Variants in SLC12A8 observed in about 807,000 individuals in gnomAD.
SLC12A8 encodes the protein cation-chloride cotransporter 9.
In SLC12A8, 69 loss-of-function variants were observed where a neutral mutation model predicts 75.6. The observed-to-expected ratio is 0.91, with a 90% confidence interval of 0.75 to 1.11. The LOEUF is 1.11. SLC12A8 is among the 50% of genes most tolerant of loss of function. The pLI, the probability that SLC12A8 is intolerant of heterozygous loss-of-function variation, is 0.00. For missense variants in SLC12A8, 877 were observed against 896.7 expected (o/e 0.98, Z 0.28); for synonymous variants, 365 against 372.8 (o/e 0.98, Z 0.24).
chr3:125,160,661 A>G (rs1484399697), intron 5 of SLC12A8, among the ~76,000 whole-genome samples: 1 of 152,230 alleles, frequency 6.6e-6, no homozygotes, highest in African/African-American at 2.4e-5. Context: ...CACACTCAGG[A>G]TTAAGACATG....
At chr3:125,105,682 G>C (rs987261162) in intron 10 of SLC12A8, among the ~76,000 whole-genome samples, 1 of 152,134 alleles carries the variant, frequency 6.6e-6, no homozygotes, top group African/African-American at 2.4e-5. Context: ...ATAAAAAACT[G>C]TGAGATAACT....
chr3:125,177,580 G>T (rs1223260771), intron 5 of SLC12A8, among the ~76,000 whole-genome samples, 163 bp downstream of exon 5: 2 of 152,224 alleles, frequency 1.3e-5, no homozygotes, highest in East Asian at 3.9e-4. Context: ...TCATGAAGCT[G>T]CTCCAAGACA....
chr3:125,188,992 T>C (rs1208196560), intron 3 of SLC12A8, among the ~76,000 whole-genome samples: 1 of 152,212 alleles, frequency 6.6e-6, no homozygotes, highest in Non-Finnish European at 1.5e-5. Context: ...GCCTATGTAA[T>C]GGTTAATTTT....
intron 2 of SLC12A8, among the ~76,000 whole-genome samples, chr3:125,210,371 C>T (rs928967851): frequency 1.3e-5 from 2 of 152,130 alleles, no homozygotes; most frequent in Non-Finnish European, 2.9e-5. Context: ...GTGGGGAACT[C>T]GACTTGAGAC....
intron 5 of SLC12A8, among the ~76,000 whole-genome samples, chr3:125,173,452 C>CAA (rs61001520): frequency 0.024 from 1,918 of 78,752 alleles, 15 homozygotes; most frequent in African/African-American, 0.028. Context: ...ATTCATGAGC[C>CAA]AAAAAAAAAA....
intron 5 of SLC12A8, among the ~76,000 whole-genome samples, chr3:125,163,911 C>T (rs1286288164): frequency 6.6e-6 from 1 of 152,210 alleles, no homozygotes; most frequent in Non-Finnish European, 1.5e-5. Context: ...CTGGGAGCGC[C>T]CCTGCCTGGC....
intron 3 of SLC12A8, 48 bp downstream of exon 3, chr3:125,190,327 C>G: frequency 6.2e-7 from 1 of 1,603,808 alleles, no homozygotes; most frequent in Non-Finnish European, 8.5e-7. Context: ...GCAGAGCTTT[C>G]CTGTCTTGGG....
intron 5 of SLC12A8, among the ~76,000 whole-genome samples, chr3:125,166,612 G>A (rs1934296558): frequency 6.6e-6 from 1 of 152,140 alleles, no homozygotes; most frequent in Non-Finnish European, 1.5e-5. Flanking sequence ...ACTGTACGGG[G>A]AGCGCCAGGA....
chr3:125,161,418 G>A (rs950216460), intron 5 of SLC12A8, among the ~76,000 whole-genome samples: 9 of 152,144 alleles, frequency 5.9e-5, no homozygotes, highest in African/African-American at 1.4e-4. Context: ...AGGTCAAGTC[G>A]GTCTTGCTTT....
chr3:125,099,140 G>C (rs4679346), intron 10 of SLC12A8, among the ~76,000 whole-genome samples: 5,036 of 152,240 alleles, frequency 0.033, 209 homozygotes, highest in East Asian at 0.099. Flanking sequence ...AGATCCACTG[G>C]CAGAGAGCAG....
In SLC12A8 at chr3:125,187,342, G is replaced by A. The variant is rs746426336; in HGVS notation, c.285C>T (p.Val95=). The A allele has an allele frequency of 3.3e-5, 53 of 1,614,056 alleles. No homozygotes were observed. Among genetic ancestry groups the A allele is most frequent in the East Asian group, 8.9e-5 (4 of 44,892 alleles). Residue 95 remains valine (V), a synonymous_variant, in exon 4 of 14, where the codon GTC becomes GTT. Coordinates refer to ENST00000469902, the MANE Select transcript of SLC12A8 (RefSeq NM_024628.6). ...CGCTGCCGATGCTGCTGCGCTCCCC[G>A]ACGCCAATGCCAGACAGCACCGTGA... ...ALVTVLSGIG[V]GERSSIGSGG...
intron 10 of SLC12A8, among the ~76,000 whole-genome samples, chr3:125,096,950 T>C (rs1938728255): frequency 6.6e-6 from 1 of 152,238 alleles, no homozygotes; most frequent in African/African-American, 2.4e-5. Context: ...ACCTTCTATG[T>C]CTATTCAGCA....
chr3:125,194,616 T>C (rs1432528678), intron 2 of SLC12A8, among the ~76,000 whole-genome samples: 1 of 152,202 alleles, frequency 6.6e-6, no homozygotes, highest in East Asian at 1.9e-4. Flanking sequence ...CAGCTAAGTC[T>C]TCATGAATGC....
intron 7 of SLC12A8, chr3:125,119,998 A>G (rs1216983638): frequency 7.0e-6 from 3 of 429,716 alleles, no homozygotes; most frequent in African/African-American, 2.0e-5. Flanking sequence ...CAGAGGCCTG[A>G]CGGCCTGGGG....
rs535016202 is a variant in SLC12A8 at position 125,176,536 on chromosome 3, C to T, written c.622+1207G>A. Among the ~76,000 whole-genome samples, 24 of 152,292 alleles carry T rather than the reference C, an allele frequency of 1.6e-4. No homozygotes were observed. In the South Asian group the frequency reaches 3.3e-3, roughly 21 times the overall value. ...AGAAACCACCATCAGAGTGAACAGG[C>T]AACCTACACAATGGGAGAAAATTTT... On this transcript the variant is annotated intron_variant, in intron 5 of 13. Coordinates refer to ENST00000469902, the MANE Select transcript of SLC12A8 (RefSeq NM_024628.6).
At position 125,083,982 on chromosome 3, in the gene SLC12A8, G is replaced by A. The variant is rs747305033; in HGVS notation, c.2053C>T (p.Gln685Ter). Reference protein sequence around the residue: ...SLAKVDMEMTQLTQENADFAT... With the variant: ...SLAKVDMEMT ...AAGTCTGCATTCTCCTGGGTGAGCT[G>A]AGTCATCTCCATGTCAACCTTAGCC... Residue 685 changes from glutamine to a stop codon, truncating the protein, a stop_gained, in exon 14 of 14, where the codon CAG becomes TAG. Coordinates refer to ENST00000469902, the MANE Select transcript of SLC12A8 (RefSeq NM_024628.6). LOFTEE classifies it high-confidence loss of function. 6 of 1,613,618 alleles carry A rather than the reference G, an allele frequency of 3.7e-6. No individual in the cohort carries two copies. The highest frequency in any genetic ancestry group is 5.1e-6 in the Non-Finnish European group (6 of 1,179,854).
intron 5 of SLC12A8, among the ~76,000 whole-genome samples, chr3:125,141,606 G>A (rs1933639246): frequency 6.6e-6 from 1 of 152,220 alleles, no homozygotes. Flanking sequence ...ACCCCTCCCT[G>A]TGGGCGTCGG....
chr3:125,197,520 G>C (rs1935030314), intron 2 of SLC12A8, among the ~76,000 whole-genome samples: 1 of 152,132 alleles, frequency 6.6e-6, no homozygotes, highest in Non-Finnish European at 1.5e-5. Flanking sequence ...TCAAACTCCT[G>C]GGCTCAAGTG....
Position 125,107,974 on chromosome 3 carries a change from G to C in SLC12A8, c.1212C>G (p.Ser404=), listed in dbSNP as rs761799325. 1 of 1,614,174 alleles carries C rather than the reference G, an allele frequency of 6.2e-7. No homozygotes were observed. The highest frequency in any genetic ancestry group is 8.5e-7 in the Non-Finnish European group (1 of 1,180,028). The change falls in exon 10 of 14, where the codon TCC becomes TCG. Residue 404 remains serine (S), a synonymous_variant. Transcript: ENST00000469902. ...TCAGGCTGCAGGAACACATGGACAG[G>C]GAGAAGTAAGAGTAGTCCACTGCAA... ...TYVAVDYSYF[S]LSMCSCSLTP... is the part of the protein sequence containing the mutation.
Sources: gnomAD v4.1 joint callset for allele counts (sites outside exome capture counted in the v4.1 genomes callset) on GRCh38, gnomAD v4.1.1 for gene constraint, MANE v1.5 for transcripts, NCBI Gene and HGNC (gene_info 2026-07-23, HGNC 2026-07-21) for gene names.